Variants in DHCR24 observed in about 807,000 individuals in gnomAD.
DHCR24 encodes delta(24)-sterol reductase.
Under a neutral mutation model 61.2 loss-of-function variants are expected in DHCR24, and 28 were observed. That is an observed-to-expected ratio of 0.46 (90% CI 0.34 to 0.63). The LOEUF (loss-of-function observed/expected upper bound fraction) is 0.63. Among genes scored for constraint, DHCR24 ranks in the 20% least tolerant of loss-of-function variants. The pLI is 0.01. For missense variants in DHCR24, 538 were observed against 679.1 expected, an observed-to-expected ratio of 0.79 and a Z score of 2.31; for synonymous variants, 261 against 275.9, an observed-to-expected ratio of 0.95 and a Z score of 0.54.
At chr1:54,866,241 G>C (rs914800871) in intron 5 of DHCR24, among the ~76,000 whole-genome samples, 2 of 152,084 alleles carry the variant, frequency 1.3e-5, no homozygotes, top group African/African-American at 4.8e-5. Context: ...GGTCATCTCT[G>C]AGCCTGTTTC....
chr1:54,886,595 T>C (rs1358249078), intron 1 of DHCR24: 2 of 1,431,238 alleles, frequency 1.4e-6, no homozygotes, highest in Admixed American at 2.1e-5. Context: ...TTCTCTGAAA[T>C]GCTTGGGCCG....
chr1:54,852,434 G>T (rs369044808), intron 8 of DHCR24, 48 bp from the exon 9 acceptor site: 1 of 1,609,382 alleles, frequency 6.2e-7, no homozygotes, highest in Admixed American at 1.7e-5. Context: ...CACACGGAAC[G>T]CGAGGCGTGA....
In DHCR24 at chr1:54,858,618, A is replaced by T. The variant is rs143301158; in HGVS notation, c.1021-4384T>A. Among the ~76,000 whole-genome samples, 748 of 152,248 alleles carry T rather than the reference A, an allele frequency of 4.9e-3. 9 individuals are homozygous for T. The highest frequency in any genetic ancestry group is 0.017 in the African/African-American group (704 of 41,544). ...CTCATTTTGAATCCTAGCTCTGTGT[A>T]GCAGTTTTATTTTTATTTTTATTTA... On this transcript the variant is annotated intron_variant, in intron 6 of 8. Coordinates refer to ENST00000371269, the MANE Select transcript of DHCR24 (RefSeq NM_014762.4).
intron 3 of DHCR24, 93 bp downstream of exon 3, chr1:54,875,849 C>T: frequency 1.0e-6 from 1 of 981,312 alleles, no homozygotes; most frequent in Non-Finnish European, 1.6e-6. Flanking sequence ...GGAATAGCGG[C>T]AATTCCAGGA....
intron 6 of DHCR24, among the ~76,000 whole-genome samples, chr1:54,858,399 T>G (rs1418856838): frequency 6.6e-6 from 1 of 152,146 alleles, no homozygotes; most frequent in Non-Finnish European, 1.5e-5. Flanking sequence ...CAGCTTGACT[T>G]CTCCCTCTTC....
At chr1:54,852,442 TGA>T (rs1646881241) in intron 8 of DHCR24, 56 bp from the exon 9 acceptor site, 1 of 1,601,526 alleles carries the variant, frequency 6.2e-7, no homozygotes, top group Non-Finnish European at 8.5e-7. Context: ...ACGCGAGGCG[TGA>T]GAGAAACCCA....
intron 5 of DHCR24, among the ~76,000 whole-genome samples, chr1:54,869,644 G>A (rs1200012333): frequency 1.3e-5 from 2 of 152,054 alleles, no homozygotes; most frequent in African/African-American, 4.8e-5. Flanking sequence ...GCTCACACCT[G>A]TAATCCCAGT....
intron 3 of DHCR24, among the ~76,000 whole-genome samples, chr1:54,875,596 C>T (rs755905552): frequency 6.6e-6 from 1 of 152,024 alleles, no homozygotes; most frequent in African/African-American, 2.4e-5. Context: ...AGGTGTTTTC[C>T]CTGAAGAAGA....
Position 54,865,317 on chromosome 1 carries a change from A to C in DHCR24, c.1006T>G (p.Phe336Val). The change falls in exon 6 of 9, where the codon TTC becomes GTC. Residue 336 changes from phenylalanine to valine, a missense_variant. Transcript: ENST00000371269. ...CTAAGCCTCACCTGGAGCTCCCAGA[A>C]GATGCTGCGCGTGTGGCGGTGGTAG... ...HYYHRHTRSI[F>V]WELQDIIPFG... 1 of 1,613,736 alleles carries C rather than the reference A, an allele frequency of 6.2e-7. No homozygotes were observed. The highest frequency in any genetic ancestry group is 8.5e-7 in the Non-Finnish European group (1 of 1,179,892).
intron 6 of DHCR24, among the ~76,000 whole-genome samples, chr1:54,854,983 G>C (rs1646898853): frequency 6.6e-6 from 1 of 152,064 alleles, no homozygotes; most frequent in Admixed American, 6.6e-5. Flanking sequence ...TTGGCCCCTG[G>C]GTCACAATCC....
intron 6 of DHCR24, among the ~76,000 whole-genome samples, chr1:54,864,833 A>C (rs1010675252): frequency 2.6e-5 from 4 of 151,846 alleles, no homozygotes; most frequent in African/African-American, 7.3e-5. Context: ...ACCTTCCCCC[A>C]CTTAAAGTGT....
At chr1:54,881,889 C>T (rs1485258424) in intron 2 of DHCR24, among the ~76,000 whole-genome samples, 3 of 152,068 alleles carry the variant, frequency 2.0e-5, no homozygotes, top group South Asian at 2.1e-4. Flanking sequence ...AACCAAATAC[C>T]GCATGTTCTC....
At chr1:54,852,707 T>C (rs1646883376) in intron 8 of DHCR24, among the ~76,000 whole-genome samples, 1 of 152,108 alleles carries the variant, frequency 6.6e-6, no homozygotes, top group East Asian at 1.9e-4. Context: ...TTTCCTTTAA[T>C]CTGTTATTGA....
Position 54,875,165 on chromosome 1 carries a change from G to A in DHCR24, c.540C>T (p.Tyr180=), listed in dbSNP as rs981289565. The change falls in exon 4 of 9, where the codon TAC becomes TAT. Residue 180 remains tyrosine, a synonymous_variant. Transcript: ENST00000371269. ...GTGIESSSHK[Y]GLFQHICTAY... ...CAGTGCAGATGTGTTGGAACAGGCC[G>A]TACTTGTGGGATGATGACTCGATGC... is the stretch of plus-strand genomic sequence containing the variant. The A allele has an allele frequency of 1.4e-5, 23 of 1,614,184 alleles. No individual in the cohort carries two copies. The highest frequency in any genetic ancestry group is 1.9e-5 in the Non-Finnish European group (23 of 1,180,034).
intron 2 of DHCR24, among the ~76,000 whole-genome samples, chr1:54,877,357 C>T (rs564490312): frequency 6.7e-6 from 1 of 150,082 alleles, no homozygotes; most frequent in South Asian, 2.1e-4. Context: ...ATGTATACAT[C>T]CCTTGGACTT....
intron 3 of DHCR24, among the ~76,000 whole-genome samples, chr1:54,875,449 AG>A (rs1647021764): frequency 6.6e-6 from 1 of 152,108 alleles, no homozygotes; most frequent in Non-Finnish European, 1.5e-5. Context: ...GACCTTGTCA[AG>A]TGTACTCACA....
chr1:54,871,168 A>C lies in DHCR24; in HGVS notation c.876+182T>G, dbSNP rs558915616. Among the ~76,000 whole-genome samples, 37 of 152,346 alleles carry C rather than the reference A, an allele frequency of 2.4e-4. 1 individual carries two copies. Among genetic ancestry groups the C allele is most frequent in the African/African-American group, 8.7e-4 (36 of 41,592 alleles). ...AGGTGGTAGGGGCAGAGTAGATGAA[A>C]GCTTCCATCACTGTCTAATACATTT... On this transcript the variant is annotated intron_variant, in intron 5 of 8. Transcript: ENST00000371269.
At chr1:54,855,251 G>A (rs1646900094) in intron 6 of DHCR24, among the ~76,000 whole-genome samples, 1 of 152,072 alleles carries the variant, frequency 6.6e-6, no homozygotes. Context: ...AAAATTAGCC[G>A]GGCATGGTGG....
chr1:54,870,171 G>A (rs1420660739), intron 5 of DHCR24, among the ~76,000 whole-genome samples: 1 of 151,722 alleles, frequency 6.6e-6, no homozygotes, highest in East Asian at 1.9e-4. Context: ...ACAGTGAGCT[G>A]TGATCGTACC....
Sources: gnomAD v4.1 joint callset for allele counts (sites outside exome capture counted in the v4.1 genomes callset) on GRCh38, gnomAD v4.1.1 for gene constraint, MANE v1.5 for transcripts, NCBI Gene and HGNC (gene_info 2026-07-23, HGNC 2026-07-21) for gene names.